The following GAD1 variants were observed in gnomAD, a reference collection of about 807,000 sequenced individuals.
GAD1 encodes the protein 67 kDa glutamic acid decarboxylase.
In GAD1, 35 loss-of-function variants were observed where a neutral mutation model predicts 75.2. The ratio of observed to expected loss-of-function variants is 0.47; its 90% CI spans 0.36 to 0.62. GAD1 has a LOEUF of 0.62. Among genes scored for constraint, GAD1 ranks in the 20% least tolerant of loss-of-function variants. GAD1 has a pLI of 0.00. For missense variants in GAD1, 490 were observed against 758.5 expected (o/e 0.65, Z 4.16); for synonymous variants, 257 against 271.9 (o/e 0.95, Z 0.54).
chr2:170,830,098 C>G (rs1175491368), intron 4 of GAD1, among the ~76,000 whole-genome samples: 1 of 152,194 alleles, frequency 6.6e-6, no homozygotes. Context: ...CCCCACAACA[C>G]TCATCTCAGG....
chr2:170,826,031 G>A (rs1305706233), intron 3 of GAD1, among the ~76,000 whole-genome samples: 3 of 152,264 alleles, frequency 2.0e-5, no homozygotes, highest in South Asian at 2.1e-4. Context: ...AGCCAAGGGA[G>A]GCCTGGTTCA....
At chr2:170,842,084 C>T (rs1702529762) in intron 6 of GAD1, among the ~76,000 whole-genome samples, 1 of 152,218 alleles carries the variant, frequency 6.6e-6, no homozygotes, top group East Asian at 1.9e-4. Flanking sequence ...ACTCTCTAGA[C>T]TCTTCCTCCT....
At chr2:170,840,726 A>G (rs1031001747) in intron 6 of GAD1, among the ~76,000 whole-genome samples, 12 of 151,074 alleles carry the variant, frequency 7.9e-5, no homozygotes, top group African/African-American at 2.9e-4. Context: ...AAAAAAATTA[A>G]AAAAAAAACC....
At chr2:170,830,884 G>A in intron 4 of GAD1, 66 bp from the exon 5 acceptor site, 1 of 1,603,956 alleles carries the variant, frequency 6.2e-7, no homozygotes, top group South Asian at 1.1e-5. Flanking sequence ...AATATTAGGG[G>A]TCTCTGGGCT....
intron 16 of GAD1, among the ~76,000 whole-genome samples, chr2:170,859,309 A>G (rs1283192397): frequency 6.6e-6 from 1 of 152,206 alleles, no homozygotes; most frequent in Non-Finnish European, 1.5e-5. Context: ...AGGGTTCTTA[A>G]GATTATATTT....
intron 6 of GAD1, chr2:170,842,799 C>T: frequency 7.4e-7 from 1 of 1,352,444 alleles, no homozygotes. Flanking sequence ...TCTTTTACCT[C>T]CATGTGATTA....
intron 4 of GAD1, chr2:170,829,902 T>C (rs1702175827): frequency 2.2e-6 from 1 of 461,180 alleles, no homozygotes; most frequent in Non-Finnish European, 3.9e-6. Flanking sequence ...ATTCATAGAC[T>C]CTCAGAGTCA....
chr2:170,828,080 T>G (rs202243103), intron 3 of GAD1, among the ~76,000 whole-genome samples: 4 of 30,140 alleles, frequency 1.3e-4, no homozygotes, highest in Admixed American at 1.2e-3. Flanking sequence ...CTCCCTCTGC[T>G]GTCCTCACCC....
In GAD1 at chr2:170,818,540, G is replaced by A. The variant is rs559047417; in HGVS notation, c.-52G>A. 3.6e-4 allele frequency: 549 copies of A among 1,529,240 alleles called. 2 individuals carry two copies. The highest frequency in any genetic ancestry group is 1.1e-3 in the South Asian group (99 of 89,416). 94.7% of individuals were successfully genotyped at this position (1,529,240 alleles called of 1,614,324 possible). A position where few individuals can be genotyped will look rare whatever the true frequency, so the allele number is the denominator to read the frequency against. On this transcript the variant is annotated 5_prime_UTR_variant, in exon 2 of 17. Coordinates refer to ENST00000358196, the MANE Select transcript of GAD1 (RefSeq NM_000817.3). This position sits in a 1 kb window ranked among gnomAD's most constrained non-coding sequence, Gnocchi z 5.9. ...GCTTCTCTTTGCAGCCTGTTTCTGC[G>A]CCGGACCAGTCGAGGACTCTGGACA...
At chr2:170,855,054 AAATT>A (rs1353351886) in intron 14 of GAD1, among the ~76,000 whole-genome samples, 6 of 152,170 alleles carry the variant, frequency 3.9e-5, no homozygotes, top group Non-Finnish European at 7.3e-5. Context: ...TTTTTGTTAT[AAATT>A]AATTTTAATA....
In GAD1 at chr2:170,818,874, C is replaced by T. The variant is rs575793020; in HGVS notation, c.82+201C>T. 1.7e-4 allele frequency among the ~76,000 whole-genome samples: 26 copies of T among 152,246 alleles called. No individual in the cohort carries two copies. The highest frequency in any genetic ancestry group is 1.5e-3 in the Admixed American group (23 of 15,306). ...AGGTGACTCCCAGGGCACCGGAAAG[C>T]GAGGACCACGCAAGGTCCGAGCAGC... On this transcript the variant is annotated intron_variant, in intron 2 of 16. Transcript: ENST00000358196. This position sits in a 1 kb window ranked among gnomAD's most constrained non-coding sequence, Gnocchi z 5.9.
rs1301955317 is a variant in GAD1, at chr2:170,847,644, A to G, written c.1003-32A>G. On this transcript the variant is annotated intron_variant, in intron 10 of 16. Coordinates refer to ENST00000358196, the MANE Select transcript of GAD1 (RefSeq NM_000817.3). ...TCAGCAAATGAGAAAGGTTAAAAAT[A>G]CTCATCAGCCTATATCTGTCTTACC... is the stretch of plus-strand genomic sequence containing the variant. 3 of 1,365,384 alleles carry G rather than the reference A, an allele frequency of 2.2e-6. No homozygotes were observed. The East Asian group carries it at 6.9e-5, about 31-fold the overall frequency. The allele number at this position is 1,365,384 out of a possible 1,614,324, so 84.6% of individuals were successfully genotyped here. A position where few individuals can be genotyped will look rare whatever the true frequency, so the allele number is the denominator to read the frequency against.
intron 1 of GAD1, chr2:170,817,476 G>C (rs1701739255): frequency 6.6e-6 from 1 of 152,342 alleles, no homozygotes; most frequent in African/African-American, 2.4e-5. Context: ...CTGTGCGACT[G>C]CGCGCGCGGG....
At chr2:170,824,944 GTGTGTGTATGTA>G (rs1324904994) in intron 3 of GAD1, among the ~76,000 whole-genome samples, 9 of 151,856 alleles carry the variant, frequency 5.9e-5, no homozygotes, top group Admixed American at 5.9e-4. Flanking sequence ...GTGTGTGTGT[GTGTGTGTATGTA>G]TGTGTGTGTA....
chr2:170,836,900 T>C lies in GAD1; in HGVS notation c.638+17T>C. ...TACCAACATGTAAGTCTCATATGTTTTCATATAAGCAACCCTGATGTATGA... is the reference window on the plus strand; with the variant it reads ...TACCAACATGTAAGTCTCATATGTTCTCATATAAGCAACCCTGATGTATGA... On this transcript the variant is annotated intron_variant, in intron 6 of 16. Transcript: ENST00000358196. 1 of 1,559,236 alleles carries C rather than the reference T, an allele frequency of 6.4e-7. No individual in the cohort carries two copies. Among genetic ancestry groups the C allele is most frequent in the Non-Finnish European group, 8.8e-7 (1 of 1,130,304 alleles).
At chr2:170,830,502 C>T (rs1702194815) in intron 4 of GAD1, among the ~76,000 whole-genome samples, 1 of 152,252 alleles carries the variant, frequency 6.6e-6, no homozygotes, top group African/African-American at 2.4e-5. Context: ...GGACCACCCT[C>T]CTCAGGGGGA....
intron 6 of GAD1, chr2:170,843,801 T>G (rs919891406): frequency 2.0e-6 from 1 of 506,652 alleles, no homozygotes; most frequent in South Asian, 2.1e-5. Flanking sequence ...CAGATAAGAA[T>G]CTATTTTGTT....
At chr2:170,848,825 AGTT>A (rs780956639) in intron 11 of GAD1, 2 of 519,162 alleles carry the variant, frequency 3.9e-6, no homozygotes, top group Admixed American at 1.9e-5. Flanking sequence ...TTGTTACATA[AGTT>A]GTTGTGAGAC....
intron 6 of GAD1, among the ~76,000 whole-genome samples, chr2:170,842,342 C>A (rs934290418): frequency 6.6e-6 from 1 of 152,176 alleles, no homozygotes; most frequent in Non-Finnish European, 1.5e-5. Context: ...TTGCCTTACC[C>A]CAGAGAGCTT....
Sources: gnomAD v4.1 joint callset for allele counts (sites outside exome capture counted in the v4.1 genomes callset) on GRCh38, gnomAD v4.1.1 for gene constraint, Gnocchi (gnomAD v3.1) non-coding constraint, MANE v1.5 for transcripts, NCBI Gene and HGNC (gene_info 2026-07-23, HGNC 2026-07-21) for gene names.